The following MDM2 variants were observed in gnomAD, a reference collection of about 807,000 sequenced individuals.
The protein encoded by MDM2 is E3 ubiquitin-protein ligase Mdm2.
A neutral mutation model predicts 64.3 loss-of-function variants in MDM2; 11 were observed. The observed-to-expected ratio is 0.17, with a 90% CI of 0.11 to 0.28. The LOEUF (loss-of-function observed/expected upper bound fraction) is 0.28. MDM2 is among the 10% of genes least tolerant of loss of function. The probability of loss-of-function intolerance (pLI) is 1.00; values close to 1 mark genes in which losing one functional copy is unlikely to be tolerated. For synonymous variants in MDM2, 194 were observed against 192.9 expected (o/e 1.01, Z -0.05); for missense variants, 388 against 577.1 (o/e 0.67, Z 3.36).
chr12:68,812,733 G>A lies in MDM2; in HGVS notation c.100-821G>A, dbSNP rs188358398. ...CAAAGTGCTGGGGTTATAGGCAAGA[G>A]CCACCTCTCCCAGCCAGCTGCCTTT... On this transcript the variant is annotated intron_variant, in intron 2 of 10. Transcript: ENST00000258149. 3.0e-3 allele frequency among the ~76,000 whole-genome samples: 457 copies of A among 152,304 alleles called. 2 individuals carry two copies. Among genetic ancestry groups the A allele is most frequent in the African/African-American group, 0.01 (420 of 41,562 alleles).
chr12:68,816,278 C>T (rs967120170), intron 3 of MDM2, among the ~76,000 whole-genome samples: 1 of 151,028 alleles, frequency 6.6e-6, no homozygotes, highest in Non-Finnish European at 1.5e-5. Flanking sequence ...GGAAAAAAAC[C>T]TCACATTTTA....
intron 4 of MDM2, among the ~76,000 whole-genome samples, chr12:68,818,739 A>G (rs532456095): frequency 6.6e-6 from 1 of 151,510 alleles, no homozygotes; most frequent in South Asian, 2.1e-4. Flanking sequence ...TTCTTTACCT[A>G]TTGAATATTG....
intron 3 of MDM2, among the ~76,000 whole-genome samples, chr12:68,813,962 G>A (rs1039182933): frequency 6.6e-6 from 1 of 152,128 alleles, no homozygotes. Flanking sequence ...ACTAAAATAC[G>A]GTTACCAAAA....
At chr12:68,848,217 C>T (rs1255303614), downstream of MDM2, 1 of 152,240 alleles carries the variant, frequency 6.6e-6, no homozygotes, top group African/African-American at 2.4e-5. Flanking sequence ...GCGTCTTGCT[C>T]TGTTGCCCAG....
chr12:68,816,511 T>TA (rs1386311849), intron 3 of MDM2, among the ~76,000 whole-genome samples: 2 of 151,914 alleles, frequency 1.3e-5, no homozygotes, highest in Non-Finnish European at 2.9e-5. Flanking sequence ...TAGCTGGGAT[T>TA]ACAGGTGTCT....
intron 5 of MDM2, among the ~76,000 whole-genome samples, chr12:68,821,834 A>G (rs999777927): frequency 1.3e-5 from 2 of 152,172 alleles, no homozygotes; most frequent in Admixed American, 1.3e-4. Context: ...ATTTTATTGT[A>G]AAATTGCTTT....
Position 68,835,894 on chromosome 12 carries a change from G to T in MDM2, c.750G>T (p.Gln250His). ...TGGATCAGGATTCAGTTTCAGATCA[G>T]TTTAGTGTAGAATTTGAAGTTGAAT... is the stretch of plus-strand genomic sequence containing the variant. ...DWLDQDSVSD[Q>H]FSVEFEVESL... The change falls in exon 9 of 11, where the codon CAG becomes CAT. Residue 250 changes from glutamine (Q) to histidine (H), a missense_variant. Physicochemically the swap from Gln to His is conservative, Grantham distance 24. Around this residue, in one of 5 missense-constraint regions of MDM2, gnomAD observed 168 missense variants for 236.6 expected, o/e 0.71. Transcript: ENST00000258149. The T allele has an allele frequency of 6.2e-7, 1 of 1,613,780 alleles. No individual in the cohort carries two copies.
At chr12:68,825,930 C>T (rs997406153) in intron 7 of MDM2, among the ~76,000 whole-genome samples, 1 of 152,068 alleles carries the variant, frequency 6.6e-6, no homozygotes, top group African/African-American at 2.4e-5. Context: ...AGATCTGTAC[C>T]TTATGCCAAA....
intron 5 of MDM2, among the ~76,000 whole-genome samples, chr12:68,823,431 T>C (rs1882037053): frequency 6.6e-6 from 1 of 152,226 alleles, no homozygotes; most frequent in African/African-American, 2.4e-5. Context: ...TTTTAGTGAA[T>C]GGTACCACTC....
intron 8 of MDM2, among the ~76,000 whole-genome samples, chr12:68,834,951 T>A (rs1022803918): frequency 6.6e-6 from 1 of 152,136 alleles, no homozygotes; most frequent in African/African-American, 2.4e-5. Context: ...AAACGAAGAA[T>A]CAGATGAGCA....
At chr12:68,833,809 A>C (rs1014936406) in intron 8 of MDM2, among the ~76,000 whole-genome samples, 1 of 152,096 alleles carries the variant, frequency 6.6e-6, no homozygotes, top group Non-Finnish European at 1.5e-5. Context: ...TCTGAGATTT[A>C]ATGTTTCTTG....
intron 10 of MDM2, among the ~76,000 whole-genome samples, chr12:68,838,603 G>C (rs1883492308): frequency 6.6e-6 from 1 of 152,200 alleles, no homozygotes; most frequent in South Asian, 2.1e-4. Context: ...GTCACTGGTG[G>C]ATTAGGAAGT....
At chr12:68,825,439 G>A (rs3730576) in intron 7 of MDM2, among the ~76,000 whole-genome samples, 1 of 152,102 alleles carries the variant, frequency 6.6e-6, no homozygotes, top group African/African-American at 2.4e-5. Context: ...GGATCATGAG[G>A]TCAGGAGATC....
chr12:68,846,434 T>G (rs571463327), downstream of MDM2: 1 of 152,324 alleles, frequency 6.6e-6, no homozygotes, highest in East Asian at 1.9e-4. Flanking sequence ...TAGGTGAATT[T>G]CATTTATTTC....
chr12:68,832,605 G>C (rs1367271785), intron 8 of MDM2, among the ~76,000 whole-genome samples: 1 of 151,982 alleles, frequency 6.6e-6, no homozygotes, highest in Non-Finnish European at 1.5e-5. Flanking sequence ...TCAACCTCCT[G>C]GGTTCAAGCA....
chr12:68,809,054 C>G (rs1009981087), intron 1 of MDM2, 154 bp from the exon 2 acceptor site: 16 of 1,497,888 alleles, frequency 1.1e-5, no homozygotes, highest in Non-Finnish European at 1.4e-5. Flanking sequence ...CCTGTGGGCA[C>G]GGACGCACGC....
rs2136169033 is a variant in MDM2, at chr12:68,835,934, G to C, written c.790G>C (p.Asp264His). Residue 264 changes from aspartate (D) to histidine (H), a missense_variant, in exon 9 of 11, where the codon GAT becomes CAT. By Grantham distance (81) the Asp-to-His change is moderately conservative. Coordinates refer to ENST00000258149, the MANE Select transcript of MDM2 (RefSeq NM_002392.6). ...EFEVESLDSE[D>H]YSLSEEGQEL... ...TGAAGTTGAATCTCTCGACTCAGAAGATTATAGCCTTAGTGAAGAAGGACA... is the reference window on the plus strand; with the variant it reads ...TGAAGTTGAATCTCTCGACTCAGAACATTATAGCCTTAGTGAAGAAGGACA... 6.2e-7 allele frequency: 1 copy of C among 1,612,838 alleles called. No homozygotes were observed.
chr12:68,808,513 G>C, intron 1 of MDM2, 22 bp downstream of exon 1: 1 of 1,614,064 alleles, frequency 6.2e-7, no homozygotes. Context: ...GCAGCGAGCG[G>C]TCACTTTTGG....
chr12:68,829,708 G>A (rs958244431), intron 8 of MDM2, among the ~76,000 whole-genome samples: 1 of 150,490 alleles, frequency 6.6e-6, no homozygotes, highest in African/African-American at 2.5e-5. Flanking sequence ...GGAGGTTGCA[G>A]TGAGCTGAGA....
Sources: gnomAD v4.1 joint callset for allele counts (sites outside exome capture counted in the v4.1 genomes callset) on GRCh38, gnomAD v4.1.1 for gene constraint, gnomAD v4.1.1 regional missense constraint, MANE v1.5 for transcripts, NCBI Gene and HGNC (gene_info 2026-07-23, HGNC 2026-07-21) for gene names.